NEK7: variants seen among roughly 807,000 people sequenced by gnomAD.
NEK7 encodes the protein serine/threonine-protein kinase Nek7.
NEK7 carries 18 observed loss-of-function variants against 44.6 expected under a neutral mutation model. That is an observed-to-expected ratio of 0.40 (90% CI 0.28 to 0.60). The LOEUF (loss-of-function observed/expected upper bound fraction) is 0.60. Among genes scored for constraint, NEK7 ranks in the 20% least tolerant of loss-of-function variants. The probability of loss-of-function intolerance (pLI) is 0.38; values close to 1 mark genes in which losing one functional copy is unlikely to be tolerated. For missense variants in NEK7, 256 were observed against 366.5 expected, an observed-to-expected ratio of 0.70 and a Z score of 2.46; for synonymous variants, 130 against 121.1, an observed-to-expected ratio of 1.07 and a Z score of -0.48.
rs1654606749 is a variant in NEK7, at chr1:198,293,036, T to C, written c.681T>C (p.Tyr227=). The C allele has an allele frequency of 2.0e-6, 3 of 1,489,780 alleles. No homozygotes were observed. The highest frequency in any genetic ancestry group is 2.8e-6 in the Non-Finnish European group (3 of 1,067,470). The allele number at this position is 1,489,780 out of a possible 1,614,324, so 92.3% of individuals were successfully genotyped here. ...TCTGGTCTCTTGGCTGTCTACTATA[T>C]GAGGTAGGTAATGTTGATAAATTCC... ...SDIWSLGCLL[Y]EMAALQSPFY... The change falls in exon 8 of 10, where the codon TAT becomes TAC. Residue 227 remains tyrosine (Y), a synonymous_variant. Coordinates refer to ENST00000367385, the MANE Select transcript of NEK7 (RefSeq NM_133494.3).
intron 7 of NEK7, 119 bp downstream of exon 7, chr1:198,279,180 A>G: frequency 1.6e-6 from 1 of 643,572 alleles, no homozygotes; most frequent in Non-Finnish European, 2.7e-6. Flanking sequence ...AAAAATCACC[A>G]GGTCCTGAAC....
At chr1:198,274,178 C>CTTTT (rs1653943791) in intron 5 of NEK7, among the ~76,000 whole-genome samples, 1 of 116,776 alleles carries the variant, frequency 8.6e-6, no homozygotes, top group Admixed American at 9.3e-5. Flanking sequence ...CTTATGACTT[C>CTTTT]ATTATTTCTC....
intron 7 of NEK7, among the ~76,000 whole-genome samples, chr1:198,289,131 TTGTGTGTGTGTGTG>T (rs71133921): frequency 0.095 from 14,159 of 148,836 alleles, 953 homozygotes; most frequent in South Asian, 0.26. Context: ...TTCCCTGAAG[TTGTGTGTGTGTGTG>T]TGTGTGTGTG....
intron 2 of NEK7, among the ~76,000 whole-genome samples, chr1:198,250,197 T>C (rs375037157): frequency 0.014 from 1,974 of 143,044 alleles, 7 homozygotes; most frequent in Middle Eastern, 0.025. Flanking sequence ...TGTAGATATG[T>C]GGCATTATTT....
At position 198,256,349 on chromosome 1, in the gene NEK7, G is replaced by A. The variant is rs778502104; in HGVS notation, c.198+3169G>A. The A allele has an allele frequency of 5.0e-6, 8 of 1,609,734 alleles. No homozygotes were observed. The Admixed American group carries it at 6.7e-5, about 14-fold the overall frequency. The stretch of plus-strand genomic sequence containing the variant: ...GCAGGTTTGCCTGTTACCTGTATGG[G>A]AAAGAAGAGTGTGTGCGCTAAATGC... On this transcript the variant is annotated intron_variant, in intron 3 of 9. Transcript: ENST00000367385.
chr1:198,178,681 C>G (rs1446448293), intron 1 of NEK7, among the ~76,000 whole-genome samples: 2 of 151,018 alleles, frequency 1.3e-5, no homozygotes, highest in Non-Finnish European at 2.9e-5. Flanking sequence ...CTCTCCCTGC[C>G]ATTTTTTGTT....
intron 7 of NEK7, among the ~76,000 whole-genome samples, chr1:198,286,526 A>G (rs1393117974): frequency 2.0e-5 from 3 of 151,304 alleles, no homozygotes; most frequent in Non-Finnish European, 4.4e-5. Flanking sequence ...TGAGTGTTTC[A>G]TTCTCCCACT....
chr1:198,312,940 A>G (rs953355630), intron 9 of NEK7, among the ~76,000 whole-genome samples: 2 of 152,184 alleles, frequency 1.3e-5, no homozygotes, highest in Non-Finnish European at 2.9e-5. Context: ...AGAGTTCTGT[A>G]GATGTCTATT....
Position 198,178,377 on chromosome 1 carries a change from T to C in NEK7, c.-29+21101T>C, listed in dbSNP as rs533808504. Among the ~76,000 whole-genome samples the C allele has an allele frequency of 3.0e-4, 45 of 152,226 alleles. No individual in the cohort carries two copies. In the South Asian group the frequency reaches 9.3e-3, roughly 32 times the overall value. On this transcript the variant is annotated intron_variant, in intron 1 of 9. Transcript: ENST00000367385. The stretch of plus-strand genomic sequence containing the variant: ...AAATGAATAGGAATCTTTCAGTTCA[T>C]GCTCTTGAGTTACTATATTAATATC...
At chr1:198,219,091 A>C (rs1158713214) in intron 1 of NEK7, among the ~76,000 whole-genome samples, 2 of 151,946 alleles carry the variant, frequency 1.3e-5, no homozygotes, top group African/African-American at 4.8e-5. Context: ...TCACTGTATC[A>C]AAGAAACGCT....
chr1:198,267,174 A>G (rs1360902580), intron 5 of NEK7, among the ~76,000 whole-genome samples: 1 of 152,044 alleles, frequency 6.6e-6, no homozygotes, highest in Non-Finnish European at 1.5e-5. Flanking sequence ...ATTTATAACC[A>G]TTGTGCACTT....
intron 2 of NEK7, 49 bp downstream of exon 2, chr1:198,232,686 A>T (rs373910891): frequency 3.3e-5 from 35 of 1,073,094 alleles, no homozygotes; most frequent in Non-Finnish European, 4.1e-5. Context: ...ATCTGTGTTA[A>T]ATATGTGTAA....
chr1:198,272,197 C>T (rs1458817707), intron 5 of NEK7, among the ~76,000 whole-genome samples: 1 of 151,624 alleles, frequency 6.6e-6, no homozygotes. Flanking sequence ...TTATTTAATT[C>T]TGTGAGCATA....
At chr1:198,243,685 T>G (rs1470662735) in intron 2 of NEK7, among the ~76,000 whole-genome samples, 1 of 152,222 alleles carries the variant, frequency 6.6e-6, no homozygotes. Flanking sequence ...CTCATTTTTC[T>G]TACACAATAG....
intron 2 of NEK7, among the ~76,000 whole-genome samples, chr1:198,248,372 A>G (rs555343483): frequency 6.6e-6 from 1 of 152,332 alleles, no homozygotes; most frequent in South Asian, 2.1e-4. Context: ...CAAAAAGTGA[A>G]TAAAAGAACT....
intron 1 of NEK7, among the ~76,000 whole-genome samples, chr1:198,196,731 C>G (rs929199014): frequency 5.3e-5 from 8 of 152,296 alleles, no homozygotes; most frequent in African/African-American, 1.4e-4. Context: ...TTTATCAGGA[C>G]AAGATAATTT....
chr1:198,255,403 C>G (rs1270805661), intron 3 of NEK7, among the ~76,000 whole-genome samples: 1 of 152,074 alleles, frequency 6.6e-6, no homozygotes, highest in Non-Finnish European at 1.5e-5. Flanking sequence ...GATCCCTTCT[C>G]TGATTCTGAG....
At chr1:198,277,834 C>A in intron 5 of NEK7, 127 bp from the exon 6 acceptor site, 1 of 606,408 alleles carries the variant, frequency 1.6e-6, no homozygotes. Flanking sequence ...GTATAAAGAT[C>A]ATATGCTTTT....
chr1:198,276,891 A>G (rs1654033586), intron 5 of NEK7, among the ~76,000 whole-genome samples: 1 of 151,664 alleles, frequency 6.6e-6, no homozygotes, highest in South Asian at 2.1e-4. Flanking sequence ...CACAGGTGTA[A>G]AAACTGAAAG....
Sources: allele counts gnomAD v4.1 joint callset (sites outside exome capture counted in the v4.1 genomes callset), GRCh38; gene constraint gnomAD v4.1.1; transcripts MANE v1.5; gene names NCBI Gene and HGNC (gene_info 2026-07-23, HGNC 2026-07-21).